Variants in CFAP91 observed in about 807,000 individuals in gnomAD.
CFAP91 encodes the protein cilia and flagella associated protein 91.
CFAP91 carries 85 observed loss-of-function variants against 95.9 expected under a neutral mutation model. The observed-to-expected ratio is 0.89, with a 90% CI of 0.74 to 1.06. CFAP91 has a LOEUF of 1.06. Among genes scored for constraint, CFAP91 ranks in the 50% least tolerant of loss-of-function variants. The probability of loss-of-function intolerance (pLI) is 0.00; values close to 1 mark genes in which losing one functional copy is unlikely to be tolerated. For synonymous variants in CFAP91, 335 were observed against 327.5 expected (o/e 1.02, Z -0.25); for missense variants, 962 against 943.4 (o/e 1.02, Z -0.26).
chr3:119,716,703 C>T lies in CFAP91; in HGVS notation c.682+960C>T, dbSNP rs964553741. On this transcript the variant is annotated intron_variant, in intron 6 of 17. Transcript: ENST00000273390. Reference sequence around the variant, plus strand: ...CTGGGTTCAAGTGATTCTCCTGCCTCAGTCTCCCGAGTAGCTGGGAGTACA... The same window carrying T: ...CTGGGTTCAAGTGATTCTCCTGCCTTAGTCTCCCGAGTAGCTGGGAGTACA... Among the ~76,000 whole-genome samples, 9 of 152,212 alleles carry T rather than the reference C, an allele frequency of 5.9e-5. 1 individual carries two copies. Among genetic ancestry groups the T allele is most frequent in the African/African-American group, 2.2e-4 (9 of 41,464 alleles).
At chr3:119,728,031 GATGATGATA>G (rs1315395020) in intron 7 of CFAP91, among the ~76,000 whole-genome samples, 1 of 151,814 alleles carries the variant, frequency 6.6e-6, no homozygotes, top group Non-Finnish European at 1.5e-5. Context: ...TGATGATGAT[GATGATGATA>G]ATGATGATGA....
At chr3:119,755,948 T>C (rs145767986) in intron 17 of CFAP91, among the ~76,000 whole-genome samples, 65 of 152,212 alleles carry the variant, frequency 4.3e-4, no homozygotes, top group African/African-American at 1.5e-3. Flanking sequence ...AGCTTAATGA[T>C]TTAGAAAAGG....
Position 119,762,180 on chromosome 3 carries a change from A to G in CFAP91, c.*2-2872A>G, listed in dbSNP as rs181292289. On this transcript the variant is annotated intron_variant, in intron 17 of 17. Coordinates refer to ENST00000273390, the MANE Select transcript of CFAP91 (RefSeq NM_033364.4). The stretch of plus-strand genomic sequence containing the variant: ...ACATACAAAAATCAGTAGCATTTCT[A>G]TACATTAACAACAAACTATACAAAA... Among the ~76,000 whole-genome samples, 4 of 152,138 alleles carry G rather than the reference A, an allele frequency of 2.6e-5. No individual in the cohort carries two copies. The South Asian group carries it at 6.2e-4, about 24-fold the overall frequency.
At chr3:119,745,184 A>G (rs2054198049) in intron 14 of CFAP91, among the ~76,000 whole-genome samples, 1 of 152,224 alleles carries the variant, frequency 6.6e-6, no homozygotes, top group South Asian at 2.1e-4. Context: ...AATATCATCC[A>G]TATGTTAATT....
chr3:119,719,922 G>T (rs1297806660), intron 6 of CFAP91, among the ~76,000 whole-genome samples: 2 of 151,760 alleles, frequency 1.3e-5, no homozygotes, highest in Non-Finnish European at 2.9e-5. Context: ...GGCCAACATG[G>T]TGAAACCCCG....
In CFAP91 at chr3:119,709,874, A is replaced by G. The variant is rs1426587635; in HGVS notation, c.479A>G (p.Asn160Ser). 7 of 1,612,136 alleles carry G rather than the reference A, an allele frequency of 4.3e-6. No individual in the cohort carries two copies. Among genetic ancestry groups the G allele is most frequent in the African/African-American group, 1.3e-5 (1 of 75,016 alleles). The change falls in exon 5 of 18, where the codon AAT becomes AGT. Residue 160 changes from asparagine to serine, a missense_variant. Coordinates refer to ENST00000273390, the MANE Select transcript of CFAP91 (RefSeq NM_033364.4). The stretch of plus-strand genomic sequence containing the variant: ...CCATTTTTTCAGCAGATGCCATTCA[A>G]TGTTGTTTATGCCGTATCCAAGTAA... The part of the protein sequence containing the change: ...FLPFFQQMPF[N>S]VVYAVSKAEP...
At chr3:119,744,515 G>A (rs1276336011) in intron 14 of CFAP91, among the ~76,000 whole-genome samples, 1 of 152,224 alleles carries the variant, frequency 6.6e-6, no homozygotes, top group African/African-American at 2.4e-5. Flanking sequence ...AGCACAGGCT[G>A]GAGGGAGGAC....
rs144275264 is a variant in CFAP91 at position 119,726,221 on chromosome 3, C to G, written c.733C>G (p.Arg245Gly). 1 of 1,613,376 alleles carries G rather than the reference C, an allele frequency of 6.2e-7. No individual in the cohort carries two copies. The highest frequency in any genetic ancestry group is 1.1e-5 in the South Asian group (1 of 90,986). ...QAEVEMIERA[R>G]EKRAWEASLP... ...TGAGGTGGAGATGATAGAAAGAGCC[C>G]GCGAGAAGCGTGCTTGGGAAGCCTC... The change falls in exon 7 of 18, where the codon CGC (arginine) becomes GGC (glycine). Residue 245 changes from arginine to glycine, a missense_variant. Transcript: ENST00000273390.
intron 16 of CFAP91, chr3:119,750,639 C>A: frequency 2.6e-6 from 1 of 391,890 alleles, no homozygotes; most frequent in Non-Finnish European, 4.7e-6. Flanking sequence ...TAAATCTGGG[C>A]TGATGTAGTC....
rs143744014 is a variant in CFAP91 at position 119,712,547 on chromosome 3, A to G, written c.500+2652A>G. Among the ~76,000 whole-genome samples the G allele has an allele frequency of 2.0e-4, 30 of 152,346 alleles. No homozygotes were observed. The East Asian group carries it at 5.0e-3, about 25-fold the overall frequency. On this transcript the variant is annotated intron_variant, in intron 5 of 17. Transcript: ENST00000273390. ...GATTTGAAGTTATTTATTCAACTAG[A>G]ATTTTATAGTAGAATAATTTCTACT...
chr3:119,744,251 C>T (rs2054180939), intron 14 of CFAP91, 55 bp downstream of exon 14: 7 of 1,376,388 alleles, frequency 5.1e-6, no homozygotes, highest in Non-Finnish European at 7.0e-6. Context: ...CAAGTCAAAC[C>T]AAAGGAAGCT....
chr3:119,729,113 T>C (rs536658858), intron 7 of CFAP91, among the ~76,000 whole-genome samples: 1 of 152,224 alleles, frequency 6.6e-6, no homozygotes, highest in South Asian at 2.1e-4. Flanking sequence ...CCTTGACAGC[T>C]GGGTGGAGCA....
At chr3:119,730,551 C>T (rs1390974495) in intron 8 of CFAP91, among the ~76,000 whole-genome samples, 174 bp downstream of exon 8, 2 of 151,258 alleles carry the variant, frequency 1.3e-5, no homozygotes, top group African/African-American at 4.9e-5. Context: ...AATTCCCTTA[C>T]TAAGAAAATC....
rs551432409 is a variant in CFAP91, at chr3:119,761,862, G to A, written c.*2-3190G>A. 5.3e-5 allele frequency among the ~76,000 whole-genome samples: 8 copies of A among 151,926 alleles called. No individual in the cohort carries two copies. In the South Asian group the frequency reaches 1.2e-3, roughly 24 times the overall value. ...CCTCAACATAGTAAAGTCCATATAT[G>A]ACAAACCCACAACTAACATCATTCT... On this transcript the variant is annotated intron_variant, in intron 17 of 17. Coordinates refer to ENST00000273390, the MANE Select transcript of CFAP91 (RefSeq NM_033364.4).
At position 119,739,331 on chromosome 3, in the gene CFAP91, G is replaced by A; in HGVS notation, c.1533+5G>A. On this transcript the variant is annotated splice_donor_5th_base_variant and intron_variant, in intron 12 of 17. Coordinates refer to ENST00000273390, the MANE Select transcript of CFAP91 (RefSeq NM_033364.4). ...GGCAGAGTCGTTCAGAACATGGTGTGTAGGTCCAACCGCTGGCCCTGCATT... is the reference window on the plus strand; with the variant it reads ...GGCAGAGTCGTTCAGAACATGGTGTATAGGTCCAACCGCTGGCCCTGCATT... 1 of 1,613,294 alleles carries A rather than the reference G, an allele frequency of 6.2e-7. No individual in the cohort carries two copies. The highest frequency in any genetic ancestry group is 1.1e-5 in the South Asian group (1 of 91,062).
intron 10 of CFAP91, 40 bp downstream of exon 10, chr3:119,733,546 A>G: frequency 6.3e-7 from 1 of 1,594,588 alleles, no homozygotes; most frequent in Non-Finnish European, 8.5e-7. Context: ...TTCTAGTATG[A>G]TTTTTGCAGA....
intron 10 of CFAP91, among the ~76,000 whole-genome samples, chr3:119,734,950 T>C (rs1328741167): frequency 1.3e-5 from 2 of 152,198 alleles, no homozygotes; most frequent in African/African-American, 4.8e-5. Flanking sequence ...GCAATTTCTT[T>C]ACAACTTATA....
chr3:119,759,703 A>G (rs183930822), intron 17 of CFAP91, among the ~76,000 whole-genome samples: 63 of 152,134 alleles, frequency 4.1e-4, no homozygotes, highest in African/African-American at 1.5e-3. Context: ...TACACAGCAT[A>G]AAAAGATGTA....
At chr3:119,719,158 A>G (rs1355573949) in intron 6 of CFAP91, among the ~76,000 whole-genome samples, 1 of 152,236 alleles carries the variant, frequency 6.6e-6, no homozygotes, top group Admixed American at 6.5e-5. Flanking sequence ...TGTGTATATA[A>G]TTGCGTATAT....
Sources: allele counts gnomAD v4.1 joint callset (sites outside exome capture counted in the v4.1 genomes callset), GRCh38; gene constraint gnomAD v4.1.1; transcripts MANE v1.5; gene names NCBI Gene and HGNC (gene_info 2026-07-23, HGNC 2026-07-21).